The following KPNA4 variants were observed in gnomAD, a reference collection of about 807,000 sequenced individuals.
KPNA4 encodes the protein importin subunit alpha-3.
KPNA4 carries 13 observed loss-of-function variants against 71.3 expected under a neutral mutation model. The observed-to-expected ratio is 0.18, with a 90% CI of 0.12 to 0.29. The LOEUF is 0.29. KPNA4 is among the 10% of genes least tolerant of loss of function. KPNA4 has a pLI of 1.00. For synonymous variants in KPNA4, 189 were observed against 195.2 expected (o/e 0.97, Z 0.26); for missense variants, 334 against 603.2 (o/e 0.55, Z 4.67).
At chr3:160,511,250 C>T (rs771408922) in intron 13 of KPNA4, among the ~76,000 whole-genome samples, 3 of 151,888 alleles carry the variant, frequency 2.0e-5, no homozygotes, top group African/African-American at 7.3e-5. Context: ...GGACTACAGG[C>T]GCCCACCACC....
At chr3:160,536,925 C>T in intron 1 of KPNA4, 85 bp from the exon 2 acceptor site, 1 of 666,498 alleles carries the variant, frequency 1.5e-6, no homozygotes, top group South Asian at 2.3e-5. Context: ...TTTCAATATA[C>T]ACCTCTAATC....
intron 1 of KPNA4, among the ~76,000 whole-genome samples, chr3:160,552,363 C>T (rs1173966426): frequency 2.0e-5 from 3 of 151,942 alleles, no homozygotes; most frequent in African/African-American, 7.3e-5. Context: ...CACAAGATAA[C>T]CTTAAAAATA....
intron 1 of KPNA4, among the ~76,000 whole-genome samples, chr3:160,553,339 G>T (rs1228910434): frequency 6.6e-6 from 1 of 152,164 alleles, no homozygotes; most frequent in Non-Finnish European, 1.5e-5. Context: ...CCGTAAGCAG[G>T]CCAGGAGTAA....
At chr3:160,536,898 G>GA (rs1721704284) in intron 1 of KPNA4, 58 bp from the exon 2 acceptor site, 4 of 1,009,882 alleles carry the variant, frequency 4.0e-6, no homozygotes, top group Middle Eastern at 2.1e-4. Context: ...ATTATCCAGA[G>GA]AAAACCACTA....
chr3:160,517,912 G>A (rs561949321), intron 11 of KPNA4, among the ~76,000 whole-genome samples: 1 of 152,032 alleles, frequency 6.6e-6, no homozygotes, highest in South Asian at 2.1e-4. Context: ...CTATTCTATG[G>A]GTTGTCTTTT....
At chr3:160,560,382 TTCAG>T (rs1222185685) in intron 1 of KPNA4, among the ~76,000 whole-genome samples, 1 of 152,060 alleles carries the variant, frequency 6.6e-6, no homozygotes, top group Non-Finnish European at 1.5e-5. Flanking sequence ...GAAAGTTCCC[TTCAG>T]TCATATTCCT....
In KPNA4 at chr3:160,520,246, A is replaced by G. The variant is rs529417601; in HGVS notation, c.903+1533T>C. Among the ~76,000 whole-genome samples the G allele has an allele frequency of 5.3e-5, 8 of 151,614 alleles. No homozygotes were observed. In the East Asian group the frequency reaches 1.5e-3, roughly 29 times the overall value. The stretch of plus-strand genomic sequence containing the variant: ...CATAAATAGCCTTAAATGACAAATT[A>G]TTGTTTTTTCTTTTTTTTTTTATTG... On this transcript the variant is annotated intron_variant, in intron 11 of 16. Transcript: ENST00000334256.
intron 10 of KPNA4, among the ~76,000 whole-genome samples, chr3:160,522,806 T>C (rs1413696518): frequency 6.6e-6 from 1 of 151,522 alleles, no homozygotes; most frequent in Non-Finnish European, 1.5e-5. Flanking sequence ...GATCAAGACA[T>C]TAAAATAATC....
intron 1 of KPNA4, 28 bp downstream of exon 1, chr3:160,565,186 A>C (rs1249252251): frequency 9.7e-6 from 15 of 1,543,628 alleles, no homozygotes; most frequent in African/African-American, 2.9e-5. Context: ...CACAGCCCCC[A>C]CCCCTCCGGC....
chr3:160,499,482 T>C lies in KPNA4; in HGVS notation c.*2622A>G, dbSNP rs374392241. 8.4e-6 allele frequency: 1 copy of C among 118,494 alleles called. No individual in the cohort carries two copies. Among genetic ancestry groups the C allele is most frequent in the African/African-American group, 2.8e-5 (1 of 36,328 alleles). The allele number at this position is 118,494 out of a possible 1,614,324, so 7.3% of individuals were successfully genotyped here. On this transcript the variant is annotated 3_prime_UTR_variant, in exon 17 of 17. Coordinates refer to ENST00000334256, the MANE Select transcript of KPNA4 (RefSeq NM_002268.5). ...AACAATTTCCTAGATCACTGGAGAA[T>C]TAAAAAAAAAAAAAAAGTGTTTAAC...
At position 160,522,415 on chromosome 3, in the gene KPNA4, T is replaced by C. The variant is rs1349817216; in HGVS notation, c.772-505A>G. Among the ~76,000 whole-genome samples the C allele has an allele frequency of 3.3e-5, 5 of 152,342 alleles. No individual in the cohort carries two copies. In the South Asian group the frequency reaches 1.0e-3, roughly 32 times the overall value. On this transcript the variant is annotated intron_variant, in intron 10 of 16. Coordinates refer to ENST00000334256, the MANE Select transcript of KPNA4 (RefSeq NM_002268.5). The stretch of plus-strand genomic sequence containing the variant: ...ATTCATATTGTAGTATAAAATACTT[T>C]AATCTTTTCCAACCAGTTTGTTTTG...
At position 160,524,299 on chromosome 3, in the gene KPNA4, A is replaced by G. The variant is rs1216635833; in HGVS notation, c.771+1501T>C. Among the ~76,000 whole-genome samples, 3 of 152,158 alleles carry G rather than the reference A, an allele frequency of 2.0e-5. No homozygotes were observed. In the South Asian group the frequency reaches 6.2e-4, roughly 31 times the overall value. ...ATGTCTTGTTTTCTAGTAGAGGTAT[A>G]AACTTTGAAGTTAAATCTTTCTTGC... On this transcript the variant is annotated intron_variant, in intron 10 of 16. Transcript: ENST00000334256.
intron 13 of KPNA4, among the ~76,000 whole-genome samples, chr3:160,511,280 T>C (rs776968136): frequency 1.3e-5 from 2 of 151,916 alleles, no homozygotes; most frequent in Non-Finnish European, 2.9e-5. Context: ...TAATTTTTTG[T>C]ATTTTTAGTA....
rs965558294 is a variant in KPNA4, at chr3:160,495,490, T to C, written c.*6614A>G. 6.7e-6 allele frequency: 1 copy of C among 148,988 alleles called. No individual in the cohort carries two copies. Among genetic ancestry groups the C allele is most frequent in the Non-Finnish European group, 1.5e-5 (1 of 67,448 alleles). The allele number at this position is 148,988 out of a possible 1,614,324, so 9.2% of individuals were successfully genotyped here. ...CCGAACAGTCACCATGTAGGTAACT[T>C]AGCTATCCTAGATCATCCTAAACTG... On this transcript the variant is annotated 3_prime_UTR_variant, in exon 17 of 17. Transcript: ENST00000334256.
chr3:160,512,738 G>T (rs1043545918), intron 13 of KPNA4, among the ~76,000 whole-genome samples: 9 of 151,996 alleles, frequency 5.9e-5, no homozygotes, highest in African/African-American at 1.9e-4. Context: ...AGGCTGAGGC[G>T]CAAGAATCGC....
chr3:160,513,806 A>G (rs1487183667), intron 13 of KPNA4, among the ~76,000 whole-genome samples: 1 of 152,176 alleles, frequency 6.6e-6, no homozygotes, highest in African/African-American at 2.4e-5. Flanking sequence ...AACAGTAACG[A>G]TATGAAAGTT....
intron 11 of KPNA4, among the ~76,000 whole-genome samples, chr3:160,518,742 T>A (rs1038231881): frequency 6.6e-6 from 1 of 151,774 alleles, no homozygotes; most frequent in African/African-American, 2.4e-5. Context: ...GCACCTGTAA[T>A]CTCAGCTGCT....
intron 7 of KPNA4, 58 bp downstream of exon 7, chr3:160,530,796 AT>A (rs1721559007): frequency 4.2e-6 from 5 of 1,199,708 alleles, no homozygotes; most frequent in South Asian, 3.9e-5. Context: ...GAAGATCACT[AT>A]TTTTTACCGA....
At chr3:160,557,012 C>T (rs1722149941) in intron 1 of KPNA4, among the ~76,000 whole-genome samples, 1 of 152,114 alleles carries the variant, frequency 6.6e-6, no homozygotes, top group Non-Finnish European at 1.5e-5. Context: ...GATGAGGTCT[C>T]ACTATACTGC....
Sources: gnomAD v4.1 joint callset for allele counts (sites outside exome capture counted in the v4.1 genomes callset) on GRCh38, gnomAD v4.1.1 for gene constraint, MANE v1.5 for transcripts, NCBI Gene and HGNC (gene_info 2026-07-23, HGNC 2026-07-21) for gene names.